The following NEXMIF variants were observed in gnomAD, a reference collection of about 807,000 sequenced individuals.
NEXMIF encodes neurite extension and migration factor, also known as XLMR protein related to neurite extension.
A neutral mutation model predicts 62.1 loss-of-function variants in NEXMIF; 8 were observed. The ratio of observed to expected loss-of-function variants is 0.13; its 90% confidence interval spans 0.08 to 0.23. The LOEUF is 0.23. NEXMIF is among the 10% of genes least tolerant of loss of function. The pLI, the probability that NEXMIF is intolerant of heterozygous loss-of-function variation, is 1.00. For synonymous variants in NEXMIF, 404 were observed against 416.6 expected (o/e 0.97, Z 0.37); for missense variants, 976 against 1,113.3 (o/e 0.88, Z 1.75).
At chrX:74,830,519 T>C (rs141713571) in intron 1 of NEXMIF, among the ~76,000 whole-genome samples, 1 of 111,812 alleles carries the variant, frequency 8.9e-6, no homozygotes, top group African/African-American at 3.2e-5. Context: ...ATGCTCCAGA[T>C]AGCCTTGGCA....
At chrX:74,876,429 A>T (rs1172192408) in intron 1 of NEXMIF, among the ~76,000 whole-genome samples, 4 of 111,175 alleles carry the variant, frequency 3.6e-5, no homozygotes, top group Non-Finnish European at 7.5e-5. Flanking sequence ...TCAATTTTGG[A>T]ATAGGTGTAG....
At chrX:74,846,954 G>T in intron 1 of NEXMIF, among the ~76,000 whole-genome samples, 1 of 112,100 alleles carries the variant, frequency 8.9e-6, no homozygotes, top group South Asian at 3.7e-4. Context: ...TAATGCTGAT[G>T]ATATATGGGG....
intron 1 of NEXMIF, among the ~76,000 whole-genome samples, chrX:74,796,229 A>ATT (rs1406436781): frequency 1.2e-4 from 7 of 60,612 alleles, no homozygotes; most frequent in African/African-American, 2.7e-4. Context: ...ATACATATAT[A>ATT]ATATATATAT....
intron 1 of NEXMIF, among the ~76,000 whole-genome samples, chrX:74,911,659 C>CAAATGAGTG (rs1342858838): frequency 8.9e-6 from 1 of 112,358 alleles, no homozygotes; most frequent in Non-Finnish European, 1.9e-5. Flanking sequence ...GCTTCTTTCT[C>CAAATGAGTG]AAATGAGTGT....
intron 1 of NEXMIF, among the ~76,000 whole-genome samples, chrX:74,770,053 C>T (rs762680505): frequency 3.6e-5 from 4 of 111,619 alleles, no homozygotes; most frequent in Non-Finnish European, 5.6e-5. Context: ...AATTAGTCCC[C>T]GTTCATAAAC....
At chrX:74,887,158 A>T (rs1412868603) in intron 1 of NEXMIF, among the ~76,000 whole-genome samples, 1 of 112,490 alleles carries the variant, frequency 8.9e-6, no homozygotes, top group African/African-American at 3.2e-5. Flanking sequence ...TTCAAGATGG[A>T]TTAAAGACTT....
chrX:74,888,260 G>A (rs1163056615), intron 1 of NEXMIF, among the ~76,000 whole-genome samples: 21 of 106,679 alleles, frequency 2.0e-4, no homozygotes, highest in African/African-American at 6.9e-4. Context: ...TTCACGTTGT[G>A]CACATGTACC....
intron 1 of NEXMIF, among the ~76,000 whole-genome samples, chrX:74,839,048 T>C (rs897829253): frequency 8.9e-6 from 1 of 111,859 alleles, no homozygotes; most frequent in Admixed American, 9.5e-5. Context: ...CCTGGAAAAG[T>C]AAACATGCAT....
intron 1 of NEXMIF, among the ~76,000 whole-genome samples, chrX:74,857,970 G>A (rs189123417): frequency 7.2e-5 from 8 of 111,882 alleles, no homozygotes; most frequent in Non-Finnish European, 1.1e-4. Flanking sequence ...GAACTGTGTC[G>A]CCTGATTTGA....
chrX:74,910,713 C>T (rs752699217), intron 1 of NEXMIF, among the ~76,000 whole-genome samples: 1 of 111,864 alleles, frequency 8.9e-6, no homozygotes, highest in African/African-American at 3.3e-5. Flanking sequence ...TCCCATCATT[C>T]CCTCATGCTG....
chrX:74,839,167 CTTTA>C (rs1446764685), intron 1 of NEXMIF, among the ~76,000 whole-genome samples: 1 of 111,721 alleles, frequency 9.0e-6, no homozygotes, highest in African/African-American at 3.3e-5. Flanking sequence ...TCCATTGTTC[CTTTA>C]TTTATCTTTA....
intron 1 of NEXMIF, among the ~76,000 whole-genome samples, chrX:74,765,614 G>T (rs746071777): frequency 9.0e-6 from 1 of 111,033 alleles, no homozygotes; most frequent in Non-Finnish European, 1.9e-5. Flanking sequence ...TTGTAAGGCA[G>T]TTATGGTTGT....
At chrX:74,911,117 C>G in intron 1 of NEXMIF, among the ~76,000 whole-genome samples, 1 of 112,020 alleles carries the variant, frequency 8.9e-6, no homozygotes, top group African/African-American at 3.2e-5. Flanking sequence ...CTAGTGACCA[C>G]TGTCTTCAAA....
chrX:74,756,124 C>T (rs1207360502), intron 1 of NEXMIF, among the ~76,000 whole-genome samples: 1 of 110,537 alleles, frequency 9.0e-6, no homozygotes, highest in African/African-American at 3.3e-5. Flanking sequence ...CCACCATACC[C>T]GACTAATTTT....
chrX:74,919,017 A>C (rs1362003132), intron 1 of NEXMIF, among the ~76,000 whole-genome samples: 1 of 112,584 alleles, frequency 8.9e-6, no homozygotes, highest in Non-Finnish European at 1.9e-5. Context: ...TGCACTTCTC[A>C]AACCTATTCT....
chrX:74,906,038 C>T (rs992203420), intron 1 of NEXMIF, among the ~76,000 whole-genome samples: 8 of 108,819 alleles, frequency 7.4e-5, no homozygotes, highest in Non-Finnish European at 5.7e-5. Context: ...GGGAGGCTGA[C>T]GTGGAAGGAT....
chrX:74,771,469 T>C (rs2080209930), intron 1 of NEXMIF, among the ~76,000 whole-genome samples: 1 of 111,524 alleles, frequency 9.0e-6, no homozygotes, highest in Non-Finnish European at 1.9e-5. Flanking sequence ...AGTACAGGGC[T>C]TAGTAGTTTA....
intron 1 of NEXMIF, among the ~76,000 whole-genome samples, chrX:74,780,548 T>G (rs975562086): frequency 1.9e-5 from 2 of 107,814 alleles, no homozygotes; most frequent in East Asian, 5.8e-4. Flanking sequence ...TTTTTTTTTT[T>G]GTATTTTCTC....
At chrX:74,806,219 T>C (rs1000790891) in intron 1 of NEXMIF, among the ~76,000 whole-genome samples, 1 of 111,190 alleles carries the variant, frequency 9.0e-6, no homozygotes, top group African/African-American at 3.3e-5. Context: ...TGATGTTTTA[T>C]CTAAAAAGTT....
Sources: gnomAD v4.1 joint callset for allele counts (sites outside exome capture counted in the v4.1 genomes callset) on GRCh38, gnomAD v4.1.1 for gene constraint, MANE v1.5 for transcripts, NCBI Gene and HGNC (gene_info 2026-07-23, HGNC 2026-07-21) for gene names.